The following PHACTR3 variants were observed in gnomAD, a reference collection of about 807,000 sequenced individuals.
The protein encoded by PHACTR3 is protein phosphatase 1, regulatory subunit 123.
PHACTR3 carries 16 observed loss-of-function variants against 66.8 expected under a neutral mutation model. That is an observed-to-expected ratio of 0.24 (90% CI 0.16 to 0.36). PHACTR3 has a LOEUF of 0.36. Ranked by LOEUF, PHACTR3 falls within the 10% of genes least tolerant of loss-of-function variation. PHACTR3 has a pLI of 1.00. For synonymous variants in PHACTR3, 323 were observed against 292.1 expected (o/e 1.11, Z -1.08); for missense variants, 647 against 719.9 (o/e 0.90, Z 1.16).
chr20:59,761,218 G>A (rs1318191251), intron 4 of PHACTR3, among the ~76,000 whole-genome samples: 1 of 151,976 alleles, frequency 6.6e-6, no homozygotes, highest in East Asian at 1.9e-4. Flanking sequence ...GGAGGGAGGG[G>A]TGCCTCCCTC....
chr20:59,664,710 G>T (rs1292353741), intron 1 of PHACTR3, among the ~76,000 whole-genome samples: 1 of 152,228 alleles, frequency 6.6e-6, no homozygotes, highest in African/African-American at 2.4e-5. Context: ...CAATCCTTTT[G>T]TGTATCTCAG....
chr20:59,816,428 T>C (rs2041889651), intron 8 of PHACTR3, among the ~76,000 whole-genome samples: 1 of 152,188 alleles, frequency 6.6e-6, no homozygotes. Context: ...TCCTGTGTGA[T>C]AGGCCTCACA....
At chr20:59,759,720 C>T (rs1452544704) in intron 4 of PHACTR3, among the ~76,000 whole-genome samples, 3 of 152,202 alleles carry the variant, frequency 2.0e-5, no homozygotes, top group East Asian at 1.9e-4. Context: ...GCTGTCTGTT[C>T]TCTTCCCACA....
At chr20:59,604,343 G>C (rs139832499), upstream of PHACTR3, among the ~76,000 whole-genome samples, 1,572 of 152,112 alleles carry the variant, frequency 0.01, 32 homozygotes, top group African/African-American at 0.035. Context: ...TCTAGAGCAC[G>C]GCTTGGTGGG....
intron 1 of PHACTR3, among the ~76,000 whole-genome samples, chr20:59,583,876 A>G (rs534503061): frequency 6.6e-6 from 1 of 152,196 alleles, no homozygotes; most frequent in Non-Finnish European, 1.5e-5. Context: ...GCGTGATTAC[A>G]GTATTTTCAG....
intron 7 of PHACTR3, among the ~76,000 whole-genome samples, chr20:59,799,798 T>C (rs888068023): frequency 2.0e-5 from 3 of 152,178 alleles, no homozygotes; most frequent in Non-Finnish European, 2.9e-5. Flanking sequence ...CATTTGCACT[T>C]AATGATTATT....
At chr20:59,654,024 G>A (rs2035539835) in intron 1 of PHACTR3, among the ~76,000 whole-genome samples, 1 of 152,166 alleles carries the variant, frequency 6.6e-6, no homozygotes, top group African/African-American at 2.4e-5. Context: ...AGGTTAATGA[G>A]ATGATTGCAA....
intron 7 of PHACTR3, among the ~76,000 whole-genome samples, chr20:59,791,226 C>T (rs1039264192): frequency 1.3e-5 from 2 of 152,150 alleles, no homozygotes; most frequent in Non-Finnish European, 2.9e-5. Flanking sequence ...CTGTCTGGCC[C>T]TCTCTCAGCC....
chr20:59,825,173 G>A (rs2042150697), intron 8 of PHACTR3, among the ~76,000 whole-genome samples: 1 of 152,212 alleles, frequency 6.6e-6, no homozygotes, highest in South Asian at 2.1e-4. Flanking sequence ...GGCCAGCTTG[G>A]TGCCTTGTCC....
At chr20:59,846,342 G>A (rs970012392) in intron 12 of PHACTR3, among the ~76,000 whole-genome samples, 3 of 152,110 alleles carry the variant, frequency 2.0e-5, no homozygotes, top group Non-Finnish European at 2.9e-5. Context: ...TCAAGGGGAA[G>A]GGAAAGTTGG....
At chr20:59,743,038 A>G in intron 1 of PHACTR3, 69 bp from the exon 2 acceptor site, 5 of 1,541,334 alleles carry the variant, frequency 3.2e-6, no homozygotes, top group Non-Finnish European at 4.4e-6. Context: ...AGAGGTCATC[A>G]CCTTGGGCCC....
intron 1 of PHACTR3, among the ~76,000 whole-genome samples, chr20:59,652,221 G>A (rs1401467541): frequency 1.3e-5 from 2 of 152,252 alleles, no homozygotes; most frequent in Non-Finnish European, 2.9e-5. Context: ...GAAGGCATGT[G>A]CTTTACTGAG....
At chr20:59,680,891 G>C (rs150991273) in intron 1 of PHACTR3, among the ~76,000 whole-genome samples, 1 of 152,074 alleles carries the variant, frequency 6.6e-6, no homozygotes, top group South Asian at 2.1e-4. Flanking sequence ...GGCCACTCCC[G>C]GATTCCCTAG....
intron 7 of PHACTR3, among the ~76,000 whole-genome samples, chr20:59,797,051 T>C (rs2041269884): frequency 6.6e-6 from 1 of 152,204 alleles, no homozygotes; most frequent in South Asian, 2.1e-4. Context: ...CTTTGCTCTC[T>C]CTCTTTTCCC....
intron 1 of PHACTR3, among the ~76,000 whole-genome samples, chr20:59,658,164 T>A (rs771333599): frequency 2.6e-5 from 4 of 152,164 alleles, no homozygotes; most frequent in Non-Finnish European, 5.9e-5. Flanking sequence ...TTATTTTAAA[T>A]AATTTCTATC....
At position 59,774,280 on chromosome 20, in the gene PHACTR3, C is replaced by A. The variant is rs370673509; in HGVS notation, c.964C>A (p.Arg322=). The A allele has an allele frequency of 6.2e-7, 1 of 1,606,566 alleles. No individual in the cohort carries two copies. ...AGAAAGTAAAGGGTCTCCAAAGAAG[C>A]GGCTGGATGTCCGTCTGTCGAGAAC... ...GRESKGSPKK[R]LDVRLSRTSS... The change falls in exon 7 of 13, where the codon CGG becomes AGG. Residue 322 remains arginine, a synonymous_variant. Coordinates refer to ENST00000371015, the MANE Select transcript of PHACTR3 (RefSeq NM_080672.5).
chr20:59,638,980 G>A (rs1010608856), intron 1 of PHACTR3, among the ~76,000 whole-genome samples: 4 of 147,938 alleles, frequency 2.7e-5, no homozygotes, highest in Non-Finnish European at 6.0e-5. Flanking sequence ...GATGGATGAC[G>A]GCTAGGTAGA....
chr20:59,687,272 T>C lies in PHACTR3; in HGVS notation c.119-55835T>C, dbSNP rs147156777. 2.3e-3 allele frequency among the ~76,000 whole-genome samples: 344 copies of C among 152,114 alleles called. 5 individuals carry two copies. Among genetic ancestry groups the C allele is most frequent in the African/African-American group, 7.7e-3 (318 of 41,474 alleles). On this transcript the variant is annotated intron_variant, in intron 1 of 12. Coordinates refer to ENST00000371015, the MANE Select transcript of PHACTR3 (RefSeq NM_080672.5). ...GTGATAGTGGTGATGATGGTGATGA[T>C]GATCATAGTGGTGTTGGTGATGATA...
chr20:59,614,274 C>T (rs1486433021), intron 1 of PHACTR3, among the ~76,000 whole-genome samples: 1 of 152,234 alleles, frequency 6.6e-6, no homozygotes, highest in Non-Finnish European at 1.5e-5. Flanking sequence ...GTATACATAC[C>T]TGTAGTCACA....
Sources: gnomAD v4.1 joint callset for allele counts (sites outside exome capture counted in the v4.1 genomes callset) on GRCh38, gnomAD v4.1.1 for gene constraint, MANE v1.5 for transcripts, NCBI Gene and HGNC (gene_info 2026-07-23, HGNC 2026-07-21) for gene names.